PCDH9: variants seen among roughly 807,000 people sequenced by gnomAD.
PCDH9 encodes protocadherin 9, also known as protocadherin-9.
Under a neutral mutation model 70.6 loss-of-function variants are expected in PCDH9, and 24 were observed. That is an observed-to-expected ratio of 0.34 (90% CI 0.25 to 0.48). The LOEUF is 0.48. PCDH9 is among the 20% of genes least tolerant of loss of function. The probability of loss-of-function intolerance (pLI) is 0.99; values close to 1 mark genes in which losing one functional copy is unlikely to be tolerated. For synonymous variants in PCDH9, 562 were observed against 558.5 expected, an observed-to-expected ratio of 1.01 and a Z score of -0.09; for missense variants, 1,281 against 1,503.6, an observed-to-expected ratio of 0.85 and a Z score of 2.45.
At chr13:66,698,282 A>G (rs904013755) in intron 3 of PCDH9, among the ~76,000 whole-genome samples, 3 of 152,152 alleles carry the variant, frequency 2.0e-5, no homozygotes, top group Non-Finnish European at 4.4e-5. Context: ...AATTCATGTT[A>G]TCTGTATTGT....
intron 2 of PCDH9, among the ~76,000 whole-genome samples, chr13:67,095,630 T>C (rs1163156099): frequency 6.6e-6 from 1 of 152,184 alleles, no homozygotes; most frequent in African/African-American, 2.4e-5. Flanking sequence ...TTATTAGCTT[T>C]CTGCTCTTCA....
intron 3 of PCDH9, among the ~76,000 whole-genome samples, chr13:66,710,595 T>C (rs910256260): frequency 6.6e-6 from 1 of 152,200 alleles, no homozygotes; most frequent in Non-Finnish European, 1.5e-5. Context: ...TTTTTTATTC[T>C]GCTGTTAAAC....
At chr13:67,041,846 A>G (rs2085122466) in intron 2 of PCDH9, among the ~76,000 whole-genome samples, 1 of 150,238 alleles carries the variant, frequency 6.7e-6, no homozygotes, top group Admixed American at 6.6e-5. Flanking sequence ...AAAAAAAAAA[A>G]AGAAAAAAGA....
chr13:67,023,642 G>A (rs1030528535), intron 2 of PCDH9, among the ~76,000 whole-genome samples: 6 of 152,134 alleles, frequency 3.9e-5, no homozygotes, highest in Non-Finnish European at 8.8e-5. Context: ...CTTGAAGTTT[G>A]GAATCAACAC....
chr13:66,785,795 A>C (rs2080070380), intron 3 of PCDH9, among the ~76,000 whole-genome samples: 1 of 151,858 alleles, frequency 6.6e-6, no homozygotes, highest in Non-Finnish European at 1.5e-5. Flanking sequence ...ATCACCCTAC[A>C]TCTTGATTTT....
chr13:66,624,871 A>G (rs1486940893), intron 4 of PCDH9, among the ~76,000 whole-genome samples: 4 of 152,238 alleles, frequency 2.6e-5, no homozygotes, highest in African/African-American at 7.2e-5. Flanking sequence ...ATGTGAGCTC[A>G]AGTATTTCAT....
intron 4 of PCDH9, among the ~76,000 whole-genome samples, chr13:66,424,658 A>G (rs1434595006): frequency 7.2e-5 from 11 of 151,960 alleles, no homozygotes; most frequent in Non-Finnish European, 2.9e-5. Context: ...CCATTACAGT[A>G]TTCCTTGTAC....
intron 2 of PCDH9, among the ~76,000 whole-genome samples, chr13:67,189,815 A>G (rs1333435020): frequency 6.6e-6 from 1 of 151,970 alleles, no homozygotes; most frequent in African/African-American, 2.4e-5. Flanking sequence ...AAACTTAGCA[A>G]GAGAATAAGA....
intron 2 of PCDH9, among the ~76,000 whole-genome samples, chr13:67,126,073 A>G (rs576997825): frequency 1.1e-4 from 16 of 152,348 alleles, no homozygotes; most frequent in African/African-American, 3.8e-4. Context: ...GAAAAAGGTT[A>G]AAAATAAACA....
chr13:66,781,128 A>T (rs1324564908), intron 3 of PCDH9, among the ~76,000 whole-genome samples: 1 of 152,312 alleles, frequency 6.6e-6, no homozygotes, highest in East Asian at 1.9e-4. Flanking sequence ...AAGGAATAAT[A>T]AAAATAGATC....
intron 3 of PCDH9, among the ~76,000 whole-genome samples, chr13:66,704,238 G>A (rs947876099): frequency 2.6e-5 from 4 of 152,080 alleles, no homozygotes; most frequent in Non-Finnish European, 2.9e-5. Context: ...GTTCAATTAC[G>A]AATGAAGTAA....
At chr13:66,725,779 C>T (rs190146920) in intron 3 of PCDH9, among the ~76,000 whole-genome samples, 165 of 152,260 alleles carry the variant, frequency 1.1e-3, no homozygotes, top group African/African-American at 3.3e-3. Context: ...AATTCTGACA[C>T]GCATTTACAA....
At chr13:67,126,110 T>C (rs895907588) in intron 2 of PCDH9, among the ~76,000 whole-genome samples, 2 of 152,120 alleles carry the variant, frequency 1.3e-5, no homozygotes, top group African/African-American at 4.8e-5. Context: ...TGGTAAGTAG[T>C]GGTCATGATT....
intron 3 of PCDH9, among the ~76,000 whole-genome samples, chr13:66,665,441 TC>T (rs1224175236): frequency 1.3e-5 from 2 of 152,186 alleles, no homozygotes; most frequent in African/African-American, 4.8e-5. Flanking sequence ...ATTTAAACAA[TC>T]CTATGCGTTT....
chr13:66,504,227 T>G (rs893769129), intron 4 of PCDH9, among the ~76,000 whole-genome samples: 2 of 152,244 alleles, frequency 1.3e-5, no homozygotes, highest in African/African-American at 4.8e-5. Context: ...ACCTTAGGAT[T>G]AGGCCTGTTT....
At chr13:67,176,216 G>A (rs1042343698) in intron 2 of PCDH9, among the ~76,000 whole-genome samples, 1 of 152,114 alleles carries the variant, frequency 6.6e-6, no homozygotes, top group Admixed American at 6.6e-5. Context: ...TAAGATAGAT[G>A]AACTCAAAAA....
chr13:67,056,382 A>C (rs546441737), intron 2 of PCDH9, among the ~76,000 whole-genome samples: 8 of 152,110 alleles, frequency 5.3e-5, no homozygotes, highest in African/African-American at 1.7e-4. Flanking sequence ...TGTTTATTTA[A>C]TTTCCTGCTG....
intron 3 of PCDH9, among the ~76,000 whole-genome samples, chr13:66,885,163 G>A (rs897831598): frequency 4.6e-5 from 7 of 152,010 alleles, no homozygotes; most frequent in African/African-American, 1.7e-4. Context: ...ACTCTCTGAT[G>A]TTCTGCTCAA....
chr13:66,448,329 A>G (rs80306573), intron 4 of PCDH9, among the ~76,000 whole-genome samples: 3,108 of 152,326 alleles, frequency 0.02, 132 homozygotes, highest in African/African-American at 0.071. Flanking sequence ...TGGACGTGTG[A>G]AGTGCACGTG....
Sources: gnomAD v4.1 joint callset for allele counts (sites outside exome capture counted in the v4.1 genomes callset) on GRCh38, gnomAD v4.1.1 for gene constraint, MANE v1.5 for transcripts, NCBI Gene and HGNC (gene_info 2026-07-23, HGNC 2026-07-21) for gene names.